Variants in CADM2 observed in about 807,000 individuals in gnomAD.
CADM2 encodes the protein immunoglobulin superfamily member 4D.
CADM2 carries 12 observed loss-of-function variants against 49.8 expected under a neutral mutation model. The ratio of observed to expected loss-of-function variants is 0.24; its 90% CI spans 0.15 to 0.39. The LOEUF (loss-of-function observed/expected upper bound fraction) is 0.39, where lower values mean the gene tolerates loss of function less well. Ranked by LOEUF, CADM2 falls within the 10% of genes least tolerant of loss-of-function variation. The pLI is 1.00. For missense variants in CADM2, 378 were observed against 492.3 expected (o/e 0.77, Z 2.20); for synonymous variants, 214 against 175.4 (o/e 1.22, Z -1.74).
At chr3:85,870,160 C>A (rs967695396) in intron 3 of CADM2, among the ~76,000 whole-genome samples, 1 of 152,018 alleles carries the variant, frequency 6.6e-6, no homozygotes, top group Non-Finnish European at 1.5e-5. Context: ...TGGTAAAATT[C>A]CTTATATATC....
chr3:85,050,484 GC>G (rs1189442355), intron 1 of CADM2, among the ~76,000 whole-genome samples: 1 of 152,092 alleles, frequency 6.6e-6, no homozygotes. Context: ...GCAATCATTT[GC>G]AGAGAGCTCT....
intron 1 of CADM2, among the ~76,000 whole-genome samples, chr3:85,492,881 G>C (rs977452638): frequency 6.6e-6 from 1 of 152,072 alleles, no homozygotes; most frequent in African/African-American, 2.4e-5. Context: ...GATTAGGAAT[G>C]TCAAGAATGG....
At chr3:85,369,730 T>G (rs2018416) in intron 1 of CADM2, among the ~76,000 whole-genome samples, 141,237 of 152,162 alleles carry the variant, frequency 0.93, 65,827 homozygotes, top group Non-Finnish European at 0.97. Flanking sequence ...ATGGAGGTAT[T>G]AAATAGTATT....
chr3:85,886,395 C>T, intron 5 of CADM2, 68 bp downstream of exon 5: 4 of 1,188,660 alleles, frequency 3.4e-6, no homozygotes, highest in Non-Finnish European at 4.9e-6. Context: ...AAGAAAAAGG[C>T]ATTTTACATT....
chr3:85,780,151 T>G (rs181291957), intron 2 of CADM2, among the ~76,000 whole-genome samples: 149 of 152,344 alleles, frequency 9.8e-4, no homozygotes, highest in Admixed American at 2.1e-3. Flanking sequence ...GTTTTTATTT[T>G]TATTTTCATT....
intron 1 of CADM2, among the ~76,000 whole-genome samples, chr3:85,536,425 C>A (rs2061423944): frequency 6.6e-6 from 1 of 151,128 alleles, no homozygotes. Flanking sequence ...TAAAGATTAG[C>A]CTTTTTAAAT....
At chr3:85,278,314 A>T (rs2043410068) in intron 1 of CADM2, among the ~76,000 whole-genome samples, 1 of 151,372 alleles carries the variant, frequency 6.6e-6, no homozygotes, top group African/African-American at 2.4e-5. Context: ...TCCCACCTCT[A>T]CAGCTCTTTT....
chr3:84,988,179 CAA>C (rs900773716), intron 1 of CADM2, among the ~76,000 whole-genome samples: 5 of 152,174 alleles, frequency 3.3e-5, no homozygotes, highest in Non-Finnish European at 5.9e-5. Flanking sequence ...GTCTGGGAAA[CAA>C]AGAGAGAGGG....
At chr3:85,822,540 C>T (rs973833361) in intron 3 of CADM2, among the ~76,000 whole-genome samples, 16 of 152,020 alleles carry the variant, frequency 1.1e-4, no homozygotes, top group African/African-American at 3.1e-4. Context: ...TCTGAGATCA[C>T]GCTACTGCAC....
At chr3:85,767,956 T>C (rs1230619885) in intron 2 of CADM2, among the ~76,000 whole-genome samples, 1 of 152,154 alleles carries the variant, frequency 6.6e-6, no homozygotes, top group Non-Finnish European at 1.5e-5. Context: ...TTAAAATCTA[T>C]ACAACAAAGA....
intron 1 of CADM2, among the ~76,000 whole-genome samples, chr3:85,342,999 A>C (rs2030079457): frequency 6.6e-6 from 1 of 152,162 alleles, no homozygotes; most frequent in Non-Finnish European, 1.5e-5. Flanking sequence ...TTTTTTCCAT[A>C]ATACATTGTA....
chr3:85,526,017 T>C (rs2106924269), intron 1 of CADM2, among the ~76,000 whole-genome samples: 1 of 152,270 alleles, frequency 6.6e-6, no homozygotes, highest in East Asian at 1.9e-4. Flanking sequence ...TCATTTTTAT[T>C]TTAAAAAATC....
chr3:85,769,540 CGT>C (rs879938140), intron 2 of CADM2, among the ~76,000 whole-genome samples: 22,366 of 101,110 alleles, frequency 0.22, 5,684 homozygotes, highest in Middle Eastern at 0.26. Flanking sequence ...TATATATACA[CGT>C]ATATACATAT....
At chr3:85,307,689 C>G (rs1419424650) in intron 1 of CADM2, among the ~76,000 whole-genome samples, 1 of 151,644 alleles carries the variant, frequency 6.6e-6, no homozygotes, top group East Asian at 1.9e-4. Flanking sequence ...CCTCACTGTT[C>G]TGTCATCTCA....
At chr3:85,878,014 T>A (rs1050848072) in intron 3 of CADM2, among the ~76,000 whole-genome samples, 1 of 152,082 alleles carries the variant, frequency 6.6e-6, no homozygotes, top group East Asian at 1.9e-4. Flanking sequence ...GTAGATGACA[T>A]CATAAGTGTT....
chr3:85,408,611 A>T (rs1237237871), intron 1 of CADM2, among the ~76,000 whole-genome samples: 1 of 152,162 alleles, frequency 6.6e-6, no homozygotes, highest in East Asian at 1.9e-4. Flanking sequence ...TAAACACATA[A>T]CTGCTATCTA....
chr3:85,666,916 G>A (rs2065587719), intron 1 of CADM2, among the ~76,000 whole-genome samples: 1 of 151,932 alleles, frequency 6.6e-6, no homozygotes, highest in Non-Finnish European at 1.5e-5. Flanking sequence ...AAGCTACCCT[G>A]TACATATATT....
intron 8 of CADM2, among the ~76,000 whole-genome samples, chr3:86,006,722 T>A (rs1730836440): frequency 6.6e-6 from 1 of 152,088 alleles, no homozygotes. Flanking sequence ...TTGTGGCATC[T>A]TTCTAGAGCA....
At position 85,568,467 on chromosome 3, in the gene CADM2, TTC is replaced by T. The variant is rs763270112; in HGVS notation, c.62-158047_62-158046del. ...TCTTTCTTTCTTTCTTTCTTTCTCT[TTC>T]TCTCTCTTTCTTTCTTTCTTTCTTT... On this transcript the variant is annotated intron_variant, in intron 1 of 9. Transcript: ENST00000383699. Among the ~76,000 whole-genome samples the T allele has an allele frequency of 2.9e-3, 70 of 24,490 alleles. 4 individuals carry two copies. Among genetic ancestry groups the T allele is most frequent in the African/African-American group, 6.7e-3 (55 of 8,184 alleles). The allele number at this position is 24,490 out of a possible 152,430, so 16.1% of individuals were successfully genotyped here. A position where few individuals can be genotyped will look rare whatever the true frequency, so the allele number is the denominator to read the frequency against.
Sources: allele counts gnomAD v4.1 joint callset (sites outside exome capture counted in the v4.1 genomes callset), GRCh38; gene constraint gnomAD v4.1.1; transcripts MANE v1.5; gene names NCBI Gene and HGNC (gene_info 2026-07-23, HGNC 2026-07-21).